ITGA8: variants seen among roughly 807,000 people sequenced by gnomAD.
ITGA8 encodes integrin alpha-8.
ITGA8 carries 91 observed loss-of-function variants against 142.3 expected under a neutral mutation model. That is an observed-to-expected ratio of 0.64 (90% confidence interval 0.54 to 0.76). ITGA8 has a LOEUF of 0.76. ITGA8 is among the 30% of genes least tolerant of loss of function. The pLI is 0.00. For synonymous variants in ITGA8, 505 were observed against 485.2 expected (o/e 1.04, Z -0.54); for missense variants, 1,406 against 1,327.7 (o/e 1.06, Z -0.92).
In ITGA8 at chr10:15,624,213, G is replaced by T. The variant is rs182310077; in HGVS notation, c.1400-7654C>A. ...TTTGAATCTCTCTAAAACCTTTGAA[G>T]ACTTCTTTGAAACACGGTGTTGTAT... On this transcript the variant is annotated intron_variant, in intron 13 of 29. Transcript: ENST00000378076. 4.0e-3 allele frequency among the ~76,000 whole-genome samples: 604 copies of T among 152,306 alleles called. 8 individuals carry two copies. Among genetic ancestry groups the T allele is most frequent in the Admixed American group, 0.036 (555 of 15,288 alleles).
At chr10:15,520,126 G>A (rs1279748465) in intron 28 of ITGA8, among the ~76,000 whole-genome samples, 1 of 152,056 alleles carries the variant, frequency 6.6e-6, no homozygotes, top group East Asian at 1.9e-4. Context: ...TAAATCCAAA[G>A]ATCAGGCCAG....
rs1832970600 is a variant in ITGA8, at chr10:15,516,868, T to C, written c.*290A>G. ...ATCTGGACTGCAACTTACGTTCCCA[T>C]ACGCATTTCAAAGTGTCTGCCAAGT... On this transcript the variant is annotated 3_prime_UTR_variant, in exon 30 of 30. Transcript: ENST00000378076. 1 of 264,432 alleles carries C rather than the reference T, an allele frequency of 3.8e-6. No individual in the cohort carries two copies. The highest frequency in any genetic ancestry group is 7.2e-6 in the Non-Finnish European group (1 of 138,528). 16.4% of individuals were successfully genotyped at this position (264,432 alleles called of 1,614,324 possible).
intron 28 of ITGA8, among the ~76,000 whole-genome samples, chr10:15,521,239 G>T (rs144401657): frequency 1.3e-5 from 2 of 152,004 alleles, no homozygotes; most frequent in South Asian, 2.1e-4. Flanking sequence ...GGCCAGGCTG[G>T]TCTAGAACTC....
At chr10:15,617,409 T>TC (rs1486026247) in intron 13 of ITGA8, among the ~76,000 whole-genome samples, 1 of 151,658 alleles carries the variant, frequency 6.6e-6, no homozygotes, top group Non-Finnish European at 1.5e-5. Context: ...GTTTTTTTTT[T>TC]TTCTTTTTTG....
At position 15,548,578 on chromosome 10, in the gene ITGA8, G is replaced by A. The variant is rs1261355506; in HGVS notation, c.2767-10C>T. On this transcript the variant is annotated splice_polypyrimidine_tract_variant and intron_variant, in intron 26 of 29. Coordinates refer to ENST00000378076, the MANE Select transcript of ITGA8 (RefSeq NM_003638.3). Reference sequence around the variant, plus strand: ...CGATATTTGTACAATTCTGCAAACAGCAGTGGGAACACGTCAGAGTCTTTA... The same window carrying A: ...CGATATTTGTACAATTCTGCAAACAACAGTGGGAACACGTCAGAGTCTTTA... 6.4e-7 allele frequency: 1 copy of A among 1,561,908 alleles called. No homozygotes were observed. Among genetic ancestry groups the A allele is most frequent in the East Asian group, 2.3e-5 (1 of 44,122 alleles).
At chr10:15,658,195 C>A (rs1266873030) in intron 10 of ITGA8, among the ~76,000 whole-genome samples, 1 of 152,104 alleles carries the variant, frequency 6.6e-6, no homozygotes, top group East Asian at 1.9e-4. Context: ...TCAAAGAGGT[C>A]AGATGATTTT....
At chr10:15,635,621 A>G (rs1215870753) in intron 13 of ITGA8, among the ~76,000 whole-genome samples, 2 of 152,048 alleles carry the variant, frequency 1.3e-5, no homozygotes, top group Non-Finnish European at 2.9e-5. Context: ...AATTACTTCA[A>G]TTTGATCTAC....
intron 28 of ITGA8, among the ~76,000 whole-genome samples, chr10:15,521,733 C>A (rs564903314): frequency 6.6e-6 from 1 of 152,188 alleles, no homozygotes; most frequent in Non-Finnish European, 1.5e-5. Context: ...GTACACTCTG[C>A]GCACCACTGT....
At chr10:15,627,258 T>C (rs1157411916) in intron 13 of ITGA8, among the ~76,000 whole-genome samples, 2 of 152,190 alleles carry the variant, frequency 1.3e-5, no homozygotes, top group Non-Finnish European at 2.9e-5. Context: ...TTTCACATGT[T>C]TGAGAAGAGG....
rs745894297 is a variant in ITGA8, at chr10:15,613,739, G to C, written c.1474C>G (p.Gln492Glu). ...ATAATCATTGGGTGCAGCAGAAGCTGGGCATCTACAGTCACAACCGGTCTT... is the reference window on the plus strand; with the variant it reads ...ATAATCATTGGGTGCAGCAGAAGCTCGGCATCTACAGTCACAACCGGTCTT... ...RARPVVTVDA[Q>E]LLLHPMIINL... is the part of the protein sequence containing the mutation. The change falls in exon 15 of 30, where the codon CAG becomes GAG. Residue 492 changes from glutamine (Q) to glutamate (E), a missense_variant. Gln to Glu is a conservative substitution (Grantham distance 29, BLOSUM62 2). Transcript: ENST00000378076. 1.7e-5 allele frequency: 27 copies of C among 1,613,934 alleles called. No homozygotes were observed. Among genetic ancestry groups the C allele is most frequent in the Admixed American group, 6.7e-5 (4 of 60,002 alleles).
intron 6 of ITGA8, among the ~76,000 whole-genome samples, chr10:15,673,158 A>C (rs575353774): frequency 6.6e-6 from 1 of 152,272 alleles, no homozygotes; most frequent in Admixed American, 6.5e-5. Flanking sequence ...GTCTCAGCTC[A>C]CTGCAACCTC....
Position 15,677,780 on chromosome 10 carries a change from G to A in ITGA8, c.631-143C>T, listed in dbSNP as rs916864539. The A allele has an allele frequency of 9.9e-6, 6 of 604,656 alleles. No individual in the cohort carries two copies. The African/African-American group carries it at 1.2e-4, about 12-fold the overall frequency. 37.5% of individuals were successfully genotyped at this position (604,656 alleles called of 1,614,324 possible). A position where few individuals can be genotyped will look rare whatever the true frequency, so the allele number is the denominator to read the frequency against. Reference sequence around the variant, plus strand: ...CAATTTTTAAAAGAGATCCTTCGGAGGCCTGCAGTTCATTTTCTTTCCTCT... The same window carrying A: ...CAATTTTTAAAAGAGATCCTTCGGAAGCCTGCAGTTCATTTTCTTTCCTCT... On this transcript the variant is annotated intron_variant, in intron 5 of 29. Transcript: ENST00000378076.
rs1235985078 is a variant in ITGA8, at chr10:15,544,318, AAACAAC to A, written c.2880+4131_2880+4136del. ...GTCTCTACCAAAAAAAAACAAAACA[AAACAAC>A]AACAACAACAAAACCAAAACCCCAT... On this transcript the variant is annotated intron_variant, in intron 27 of 29. Coordinates refer to ENST00000378076, the MANE Select transcript of ITGA8 (RefSeq NM_003638.3). 2.6e-5 allele frequency among the ~76,000 whole-genome samples: 4 copies of A among 152,094 alleles called. No homozygotes were observed. In the South Asian group the frequency reaches 6.2e-4, roughly 24 times the overall value.
At chr10:15,659,100 T>C (rs1443869740) in intron 9 of ITGA8, 45 bp from the exon 10 acceptor site, 1 of 1,338,690 alleles carries the variant, frequency 7.5e-7, no homozygotes, top group Non-Finnish European at 1.0e-6. Context: ...TGCCATAGAA[T>C]TGGAGCCTTT....
At chr10:15,585,970 G>A (rs756778152) in intron 23 of ITGA8, among the ~76,000 whole-genome samples, 1 of 151,118 alleles carries the variant, frequency 6.6e-6, no homozygotes, top group Non-Finnish European at 1.5e-5. Context: ...GGAATCACAT[G>A]GTTGTCTATT....
At chr10:15,545,858 G>A (rs75979987) in intron 27 of ITGA8, among the ~76,000 whole-genome samples, 8,424 of 152,126 alleles carry the variant, frequency 0.055, 756 homozygotes, top group African/African-American at 0.19. Context: ...TTTAAAAAAC[G>A]TAATTATTAT....
At chr10:15,719,437 C>T (rs1046277018) in intron 1 of ITGA8, 126 bp downstream of exon 1, 12 of 786,862 alleles carry the variant, frequency 1.5e-5, no homozygotes, top group Non-Finnish European at 1.9e-5. Flanking sequence ...GGGAGAGGGA[C>T]GGGACCCCGG....
At chr10:15,596,565 TG>T (rs1833014613) in intron 21 of ITGA8, 1 of 152,366 alleles carries the variant, frequency 6.6e-6, no homozygotes, top group African/African-American at 2.4e-5. Flanking sequence ...GTGAGCTTAC[TG>T]TAGTTTCAGC....
At chr10:15,604,102 G>A (rs1588669636) in intron 20 of ITGA8, 106 bp downstream of exon 20, 1 of 1,002,620 alleles carries the variant, frequency 1.0e-6, no homozygotes, top group African/African-American at 1.6e-5. Context: ...TCATTTTGCT[G>A]TCTTTCATTA....
Sources: gnomAD v4.1 joint callset for allele counts (sites outside exome capture counted in the v4.1 genomes callset) on GRCh38, gnomAD v4.1.1 for gene constraint, MANE v1.5 for transcripts, NCBI Gene and HGNC (gene_info 2026-07-23, HGNC 2026-07-21) for gene names.